NDUFB9: variants seen among roughly 807,000 people sequenced by gnomAD.
The protein encoded by NDUFB9 is NADH dehydrogenase [ubiquinone] 1 beta subcomplex subunit 9.
NDUFB9 carries 24 observed loss-of-function variants against 30.2 expected under a neutral mutation model. That is an observed-to-expected ratio of 0.80 (90% CI 0.58 to 1.12). NDUFB9 has a LOEUF of 1.12. NDUFB9 is among the 50% of genes most tolerant of loss of function. The pLI is 0.00. For synonymous variants in NDUFB9, 80 were observed against 84.0 expected (o/e 0.95, Z 0.26); for missense variants, 204 against 226.0 (o/e 0.90, Z 0.62).
chr8:124,544,782 C>T (rs1822114407), intron 2 of NDUFB9, among the ~76,000 whole-genome samples: 1 of 151,736 alleles, frequency 6.6e-6, no homozygotes, highest in Admixed American at 6.6e-5. Flanking sequence ...TTTCCACTTG[C>T]AAGTTTTATT....
Position 124,544,037 on chromosome 8 carries a change from T to G in NDUFB9, c.294+758T>G, listed in dbSNP as rs113786382. ...TGAATGCAAAGGAAATTAAAGGTTTTTTTAAGGAAATTAAAAGTGCTGCTC... is the reference window on the plus strand; with the variant it reads ...TGAATGCAAAGGAAATTAAAGGTTTGTTTAAGGAAATTAAAAGTGCTGCTC... On this transcript the variant is annotated intron_variant, in intron 2 of 3. Coordinates refer to ENST00000276689, the MANE Select transcript of NDUFB9 (RefSeq NM_005005.3). Among the ~76,000 whole-genome samples the G allele has an allele frequency of 6.9e-3, 1,052 of 152,366 alleles. 13 individuals are homozygous for G. Among genetic ancestry groups the G allele is most frequent in the African/African-American group, 0.024 (1,014 of 41,590 alleles).
chr8:124,542,807 C>CTT (rs58685573), intron 1 of NDUFB9: 121 of 204,110 alleles, frequency 5.9e-4, no homozygotes, highest in Admixed American at 8.1e-4. Context: ...ATGCTCTTTT[C>CTT]TTTTTTTTTT....
chr8:124,541,966 G>A (rs1387132792), intron 1 of NDUFB9, among the ~76,000 whole-genome samples: 1 of 150,464 alleles, frequency 6.6e-6, no homozygotes, highest in Non-Finnish European at 1.5e-5. Context: ...CCAGGCTGGA[G>A]TGCAAATGGC....
intron 1 of NDUFB9, chr8:124,539,531 GA>G (rs1821840030): frequency 1.9e-6 from 1 of 540,006 alleles, no homozygotes; most frequent in Non-Finnish European, 3.3e-6. Context: ...ACGGACGCAC[GA>G]CCAGCGCAGA....
intron 2 of NDUFB9, among the ~76,000 whole-genome samples, chr8:124,546,033 C>G (rs574495037): frequency 3.5e-4 from 54 of 152,122 alleles, no homozygotes; most frequent in African/African-American, 1.2e-3. Context: ...GTAGAGACAG[C>G]GTTTCTCCAT....
At chr8:124,543,902 C>T (rs1449537104) in intron 2 of NDUFB9, among the ~76,000 whole-genome samples, 1 of 152,208 alleles carries the variant, frequency 6.6e-6, no homozygotes, top group Non-Finnish European at 1.5e-5. Flanking sequence ...ATCCGTTACA[C>T]GTCTCTTCCT....
At chr8:124,547,438 G>T in intron 3 of NDUFB9, 1 of 596,148 alleles carries the variant, frequency 1.7e-6, no homozygotes, top group Non-Finnish European at 3.0e-6. Context: ...TTTCAGTCAT[G>T]TTAGGATGGT....
Position 124,549,750 on chromosome 8 carries a change from C to A in NDUFB9, c.409-11C>A. 1 of 1,613,430 alleles carries A rather than the reference C, an allele frequency of 6.2e-7. No homozygotes were observed. Among genetic ancestry groups the A allele is most frequent in the Non-Finnish European group, 8.5e-7 (1 of 1,179,416 alleles). The stretch of plus-strand genomic sequence containing the variant: ...TCCTTTGGTAATGATTCCTTCCTTG[C>A]CTCCTTCTAGGTTAAGCAGCTGCAG... On this transcript the variant is annotated splice_polypyrimidine_tract_variant and intron_variant, in intron 3 of 3. Coordinates refer to ENST00000276689, the MANE Select transcript of NDUFB9 (RefSeq NM_005005.3).
Position 124,539,164 on chromosome 8 carries a change from G to A in NDUFB9, c.-23G>A. On this transcript the variant is annotated 5_prime_UTR_variant, in exon 1 of 4. Transcript: ENST00000276689. The stretch of plus-strand genomic sequence containing the variant: ...CGTGCAGTTTCCCGGCTCTCCGCGC[G>A]GCCGGGGAAGGTCAGCGCCGTAATG... 1 of 1,613,452 alleles carries A rather than the reference G, an allele frequency of 6.2e-7. No homozygotes were observed. The highest frequency in any genetic ancestry group is 8.5e-7 in the Non-Finnish European group (1 of 1,179,346).
rs777388737 is a variant in NDUFB9 at position 124,549,841 on chromosome 8, G to A, written c.489G>A (p.Leu163=). ...CCCCTGCCCGAAAGGAAGGTGATTTGCCCCCACTGTGGTGGTATATTGTGA... is the reference window on the plus strand; with the variant it reads ...CCCCTGCCCGAAAGGAAGGTGATTTACCCCCACTGTGGTGGTATATTGTGA... ...ALPPARKEGD[L]PPLWWYIVTR... is the part of the protein sequence containing the mutation. Residue 163 remains leucine (L), a synonymous_variant, in exon 4 of 4, where the codon TTG becomes TTA. Coordinates refer to ENST00000276689, the MANE Select transcript of NDUFB9 (RefSeq NM_005005.3). The A allele has an allele frequency of 1.9e-5, 31 of 1,614,192 alleles. No homozygotes were observed. Among genetic ancestry groups the A allele is most frequent in the Middle Eastern group, 1.6e-4 (1 of 6,062 alleles).
chr8:124,541,881 C>T (rs754656632), intron 1 of NDUFB9, among the ~76,000 whole-genome samples: 5 of 150,820 alleles, frequency 3.3e-5, no homozygotes, highest in Non-Finnish European at 5.9e-5. Context: ...GGATTACAGG[C>T]GTGAGCCACC....
At chr8:124,541,840 GT>G (rs2131604316) in intron 1 of NDUFB9, among the ~76,000 whole-genome samples, 1 of 151,212 alleles carries the variant, frequency 6.6e-6, no homozygotes, top group South Asian at 2.1e-4. Context: ...CTGACCTCAG[GT>G]GACCTCCACC....
At chr8:124,547,203 G>T in intron 3 of NDUFB9, 90 bp downstream of exon 3, 1 of 940,666 alleles carries the variant, frequency 1.1e-6, no homozygotes. Context: ...TTCCAGCCAT[G>T]ACAGTTACTC....
At chr8:124,548,793 G>T (rs900461488) in intron 3 of NDUFB9, among the ~76,000 whole-genome samples, 2 of 152,176 alleles carry the variant, frequency 1.3e-5, no homozygotes, top group African/African-American at 4.8e-5. Context: ...CAAGTTGGGA[G>T]GATCTGTGAA....
At position 124,543,222 on chromosome 8, in the gene NDUFB9, A is replaced by G. The variant is rs780272430; in HGVS notation, c.237A>G (p.Pro79=). ...TCTGGTACCGTCAGCATCCACAGCC[A>G]TACATCTTCCCTGACTCTCCTGGGG... ...EEFWYRQHPQ[P]YIFPDSPGGT... The change falls in exon 2 of 4, where the codon CCA becomes CCG. Residue 79 remains proline (P), a synonymous_variant. Coordinates refer to ENST00000276689, the MANE Select transcript of NDUFB9 (RefSeq NM_005005.3). The G allele has an allele frequency of 6.2e-7, 1 of 1,614,234 alleles. No homozygotes were observed. The highest frequency in any genetic ancestry group is 8.5e-7 in the Non-Finnish European group (1 of 1,180,042).
At chr8:124,539,327 G>A (rs367941397) in intron 1 of NDUFB9, 40 bp downstream of exon 1, 230 of 1,601,602 alleles carry the variant, frequency 1.4e-4, no homozygotes, top group Non-Finnish European at 1.2e-4. Flanking sequence ...GGTGACCCTC[G>A]GGGCCCCATG....
At chr8:124,545,656 G>C (rs1822136364) in intron 2 of NDUFB9, among the ~76,000 whole-genome samples, 3 of 152,032 alleles carry the variant, frequency 2.0e-5, no homozygotes, top group African/African-American at 7.2e-5. Flanking sequence ...AGCCAACCAA[G>C]TAGCTAAGAA....
chr8:124,543,847 C>T (rs1177644080), intron 2 of NDUFB9, among the ~76,000 whole-genome samples: 1 of 152,180 alleles, frequency 6.6e-6, no homozygotes, highest in African/African-American at 2.4e-5. Context: ...ACCATAGCCT[C>T]TAAGTGTTCA....
chr8:124,546,474 A>G (rs1200702580), intron 2 of NDUFB9, among the ~76,000 whole-genome samples: 3 of 152,194 alleles, frequency 2.0e-5, no homozygotes, highest in Non-Finnish European at 1.5e-5. Context: ...TATTTGCTAT[A>G]TTGCAGCGGT....
Sources: gnomAD v4.1 joint callset for allele counts (sites outside exome capture counted in the v4.1 genomes callset) on GRCh38, gnomAD v4.1.1 for gene constraint, MANE v1.5 for transcripts, NCBI Gene and HGNC (gene_info 2026-07-23, HGNC 2026-07-21) for gene names.